The following PDE4B variants were observed in gnomAD, a reference collection of about 807,000 sequenced individuals.
The protein encoded by PDE4B is 3',5'-cyclic-AMP phosphodiesterase 4B.
Under a neutral mutation model 82.2 loss-of-function variants are expected in PDE4B, and 20 were observed. That is an observed-to-expected ratio of 0.24 (90% CI 0.17 to 0.35). The LOEUF (loss-of-function observed/expected upper bound fraction) is 0.35, where lower values mean the gene tolerates loss of function less well. Among genes scored for constraint, PDE4B ranks in the 10% least tolerant of loss-of-function variants. The pLI, the probability that PDE4B is intolerant of heterozygous loss-of-function variation, is 1.00. For missense variants in PDE4B, 655 were observed against 907.2 expected, an observed-to-expected ratio of 0.72 and a Z score of 3.57; for synonymous variants, 320 against 318.9, an observed-to-expected ratio of 1.00 and a Z score of -0.04.
chr1:66,266,689 T>C, intron 7 of PDE4B: 1 of 529,188 alleles, frequency 1.9e-6, no homozygotes, highest in South Asian at 1.4e-5. Context: ...CATCCACTTT[T>C]CTTGGTGTGT....
intron 3 of PDE4B, among the ~76,000 whole-genome samples, chr1:66,198,904 T>C (rs1275056578): frequency 6.6e-6 from 1 of 152,136 alleles, no homozygotes; most frequent in African/African-American, 2.4e-5. Context: ...AGTGATGATT[T>C]CAAGTTTCAT....
intron 1 of PDE4B, among the ~76,000 whole-genome samples, chr1:65,865,916 C>T (rs541018442): frequency 6.6e-6 from 1 of 152,168 alleles, no homozygotes; most frequent in Non-Finnish European, 1.5e-5. Flanking sequence ...ACTCCACCAC[C>T]CCCACTCCTT....
chr1:66,354,550 C>T, intron 8 of PDE4B: 1 of 1,185,640 alleles, frequency 8.4e-7, no homozygotes, highest in Non-Finnish European at 1.0e-6. Context: ...TGCTTCAAAC[C>T]AGCCAGCTGA....
intron 3 of PDE4B, among the ~76,000 whole-genome samples, chr1:66,093,119 C>T (rs1645055552): frequency 6.6e-6 from 1 of 151,920 alleles, no homozygotes; most frequent in South Asian, 2.1e-4. Flanking sequence ...ATGAATAGGG[C>T]ATTCGGACAG....
At chr1:65,837,909 A>G (rs373115621) in intron 1 of PDE4B, among the ~76,000 whole-genome samples, 1 of 152,100 alleles carries the variant, frequency 6.6e-6, no homozygotes. Flanking sequence ...GAAAAGGCCC[A>G]GTGTGTGTTA....
At chr1:65,867,962 TC>T (rs1646530793) in intron 1 of PDE4B, among the ~76,000 whole-genome samples, 1 of 152,198 alleles carries the variant, frequency 6.6e-6, no homozygotes, top group Non-Finnish European at 1.5e-5. Context: ...GAGTCTACGG[TC>T]AGTTAATAGA....
At chr1:66,142,753 T>C (rs945166184) in intron 3 of PDE4B, among the ~76,000 whole-genome samples, 6 of 152,236 alleles carry the variant, frequency 3.9e-5, no homozygotes, top group Non-Finnish European at 7.3e-5. Context: ...TTAATAATAT[T>C]GTAATGTCGG....
intron 3 of PDE4B, among the ~76,000 whole-genome samples, chr1:66,075,851 G>A (rs185302821): frequency 6.6e-6 from 1 of 151,958 alleles, no homozygotes; most frequent in African/African-American, 2.4e-5. Flanking sequence ...TTTATATGAT[G>A]ATCTTCTATG....
chr1:66,172,175 C>T (rs530053275), intron 3 of PDE4B, among the ~76,000 whole-genome samples: 1 of 152,208 alleles, frequency 6.6e-6, no homozygotes, highest in South Asian at 2.1e-4. Flanking sequence ...ATGTTTAGCT[C>T]CCACTTATAA....
At chr1:66,198,185 G>T (rs993187066) in intron 3 of PDE4B, among the ~76,000 whole-genome samples, 1 of 152,040 alleles carries the variant, frequency 6.6e-6, no homozygotes, top group African/African-American at 2.4e-5. Flanking sequence ...GCAAGGCCCC[G>T]TTCCCTTTCC....
chr1:66,356,882 A>G (rs777230259), intron 9 of PDE4B, among the ~76,000 whole-genome samples: 4 of 152,234 alleles, frequency 2.6e-5, no homozygotes, highest in Non-Finnish European at 4.4e-5. Flanking sequence ...CAGAGAACAA[A>G]GGAGAAGAAT....
At chr1:66,228,161 G>C (rs547586045) in intron 3 of PDE4B, among the ~76,000 whole-genome samples, 21 of 152,292 alleles carry the variant, frequency 1.4e-4, no homozygotes, top group African/African-American at 4.8e-4. Context: ...CATCTGTCTT[G>C]TTAACCTGAC....
At chr1:65,907,889 A>G (rs1647045046) in intron 1 of PDE4B, among the ~76,000 whole-genome samples, 1 of 152,180 alleles carries the variant, frequency 6.6e-6, no homozygotes, top group South Asian at 2.1e-4. Context: ...CAAAACAGTG[A>G]ACTAAAAGCC....
intron 3 of PDE4B, among the ~76,000 whole-genome samples, chr1:65,985,157 T>C (rs895511051): frequency 6.6e-6 from 1 of 152,152 alleles, no homozygotes; most frequent in African/African-American, 2.4e-5. Context: ...ATTTTCTACA[T>C]TGATATGTAT....
intron 3 of PDE4B, among the ~76,000 whole-genome samples, chr1:66,201,081 T>G (rs994177587): frequency 6.6e-6 from 1 of 152,250 alleles, no homozygotes; most frequent in Admixed American, 6.5e-5. Context: ...GTCAAAGGCC[T>G]TTTCTGCATC....
At chr1:65,969,209 A>G (rs1650005306) in intron 3 of PDE4B, among the ~76,000 whole-genome samples, 1 of 152,114 alleles carries the variant, frequency 6.6e-6, no homozygotes, top group African/African-American at 2.4e-5. Context: ...ACTGATCACA[A>G]TTACTCTGGA....
At chr1:66,138,099 G>A (rs1054634547) in intron 3 of PDE4B, among the ~76,000 whole-genome samples, 6 of 152,176 alleles carry the variant, frequency 3.9e-5, no homozygotes, top group Non-Finnish European at 8.8e-5. Flanking sequence ...AGTTCCCACA[G>A]TTTAAATCAT....
chr1:66,223,188 T>G (rs1651142083), intron 3 of PDE4B, among the ~76,000 whole-genome samples: 1 of 152,086 alleles, frequency 6.6e-6, no homozygotes, highest in African/African-American at 2.4e-5. Flanking sequence ...AATAATATAG[T>G]TTCAGGTAGT....
At chr1:66,240,738 A>T (rs552042631) in intron 3 of PDE4B, among the ~76,000 whole-genome samples, 1 of 152,190 alleles carries the variant, frequency 6.6e-6, no homozygotes, top group Non-Finnish European at 1.5e-5. Context: ...TGTTGAGTAA[A>T]TGAATGCTCA....
Sources: allele counts gnomAD v4.1 joint callset (sites outside exome capture counted in the v4.1 genomes callset), GRCh38; gene constraint gnomAD v4.1.1; transcripts MANE v1.5; gene names NCBI Gene and HGNC (gene_info 2026-07-23, HGNC 2026-07-21).